TMEM47: variants seen among roughly 807,000 people sequenced by gnomAD.
The protein encoded by TMEM47 is transmembrane protein 47.
Under a neutral mutation model 12.4 loss-of-function variants are expected in TMEM47, and 3 were observed. The ratio of observed to expected loss-of-function variants is 0.24; its 90% CI spans 0.11 to 0.63. TMEM47 has a LOEUF of 0.63. Ranked by LOEUF, TMEM47 falls within the 20% of genes least tolerant of loss-of-function variation. The pLI is 0.86. For missense variants in TMEM47, 89 were observed against 143.8 expected (o/e 0.62, Z 1.95); for synonymous variants, 62 against 63.3 (o/e 0.98, Z 0.10).
chrX:34,653,842 TC>T (rs1922057694), intron 1 of TMEM47, among the ~76,000 whole-genome samples: 1 of 111,395 alleles, frequency 9.0e-6, no homozygotes, highest in South Asian at 3.8e-4. Flanking sequence ...ATTCTAAACT[TC>T]CTAACAAGCA....
At chrX:34,644,852 C>T (rs1034054058) in intron 1 of TMEM47, among the ~76,000 whole-genome samples, 3 of 111,670 alleles carry the variant, frequency 2.7e-5, no homozygotes, top group African/African-American at 9.8e-5. Flanking sequence ...AAATCACACT[C>T]ACATTTGTCA....
intron 2 of TMEM47, among the ~76,000 whole-genome samples, chrX:34,631,593 A>G (rs1601963904): frequency 8.9e-6 from 1 of 112,235 alleles, no homozygotes; most frequent in East Asian, 2.8e-4. Context: ...TGGCTACTGT[A>G]ACAGAGGTCA....
At chrX:34,644,138 A>C (rs1921868121) in intron 1 of TMEM47, among the ~76,000 whole-genome samples, 1 of 111,861 alleles carries the variant, frequency 8.9e-6, no homozygotes, top group African/African-American at 3.3e-5. Context: ...ATAATGTTAT[A>C]TTCCCCTTGC....
chrX:34,635,769 T>A (rs1032625932), intron 2 of TMEM47, among the ~76,000 whole-genome samples: 5 of 111,410 alleles, frequency 4.5e-5, no homozygotes, highest in African/African-American at 6.5e-5. Flanking sequence ...ATTTGGGGAA[T>A]GAGACGTTCC....
intron 2 of TMEM47, among the ~76,000 whole-genome samples, chrX:34,636,350 T>C (rs1921716279): frequency 8.9e-6 from 1 of 111,767 alleles, no homozygotes; most frequent in African/African-American, 3.3e-5. Context: ...TAGGAGGCTT[T>C]CTGCAGATAT....
At chrX:34,633,078 T>C (rs1204548414) in intron 2 of TMEM47, among the ~76,000 whole-genome samples, 1 of 112,058 alleles carries the variant, frequency 8.9e-6, no homozygotes, top group Non-Finnish European at 1.9e-5. Flanking sequence ...ATTTACTCAT[T>C]CAATAAATGC....
chrX:34,632,458 C>A (rs1394534719), intron 2 of TMEM47, among the ~76,000 whole-genome samples: 1 of 111,595 alleles, frequency 9.0e-6, no homozygotes, highest in African/African-American at 3.3e-5. Context: ...TAACAGTCAT[C>A]TTTCTCTCCC....
Position 34,639,350 on chromosome X carries a change from G to C in TMEM47, c.264C>G (p.Gly88=). The change falls in exon 2 of 3, where the codon GGC becomes GGG. Residue 88 remains glycine, a synonymous_variant. Coordinates refer to ENST00000275954, the MANE Select transcript of TMEM47 (RefSeq NM_031442.4). ...QIATLALLLG[G]AAIILIAFLV... ...GGAATGCAATGAGAATGATGGCAGC[G>C]CCGCCCAGGAGTAAAGCCAGAGTAG... The C allele has an allele frequency of 8.3e-7, 1 of 1,208,546 alleles. No homozygotes were observed. The highest frequency in any genetic ancestry group is 1.1e-6 in the Non-Finnish European group (1 of 893,965).
intron 1 of TMEM47, among the ~76,000 whole-genome samples, chrX:34,653,593 C>T (rs72626900): frequency 0.018 from 1,983 of 111,740 alleles, 36 homozygotes; most frequent in African/African-American, 0.056. Flanking sequence ...AGGGCATCAG[C>T]ATTCTGTATA....
At chrX:34,649,553 T>C (rs1335020874) in intron 1 of TMEM47, among the ~76,000 whole-genome samples, 1 of 109,957 alleles carries the variant, frequency 9.1e-6, no homozygotes, top group Non-Finnish European at 1.9e-5. Context: ...TACTTGAGGG[T>C]TGAGGGTGGG....
intron 1 of TMEM47, among the ~76,000 whole-genome samples, chrX:34,649,037 CA>C (rs1921967293): frequency 9.0e-6 from 1 of 111,367 alleles, no homozygotes; most frequent in Admixed American, 9.5e-5. Flanking sequence ...ATTAAAAAGT[CA>C]AAAAATAACA....
chrX:34,649,710 T>TA (rs887676824), intron 1 of TMEM47, among the ~76,000 whole-genome samples: 5 of 108,513 alleles, frequency 4.6e-5, no homozygotes, highest in Admixed American at 9.8e-5. Flanking sequence ...AAATAAAAGT[T>TA]AAAAAAAAAA....
Position 34,657,008 on chromosome X carries a change from T to C in TMEM47, c.22A>G (p.Met8Val). ...AGCACCGACACGCGCACCTCCTCCA[T>C]GCCGCTGCCCGCCGAAGCCATTCCT... MASAGSG[M>V]EEVRVSVLTP... The change falls in exon 1 of 3, where the codon ATG becomes GTG. Residue 8 changes from methionine to valine, a missense_variant. Met to Val is a conservative substitution (Grantham distance 21). Coordinates refer to ENST00000275954, the MANE Select transcript of TMEM47 (RefSeq NM_031442.4). The C allele has an allele frequency of 8.7e-7, 1 of 1,155,663 alleles. No homozygotes were observed. Among genetic ancestry groups the C allele is most frequent in the Non-Finnish European group, 1.2e-6 (1 of 866,010 alleles).
intron 2 of TMEM47, among the ~76,000 whole-genome samples, chrX:34,631,653 G>A (rs1218223311): frequency 9.0e-6 from 1 of 111,544 alleles, no homozygotes; most frequent in Non-Finnish European, 1.9e-5. Context: ...CAGGGCCAAA[G>A]GGGAAATATG....
chrX:34,653,954 A>G (rs915005645), intron 1 of TMEM47, among the ~76,000 whole-genome samples: 4 of 111,257 alleles, frequency 3.6e-5, no homozygotes, highest in African/African-American at 1.3e-4. Context: ...GAGTGCCTCA[A>G]CTGTCCTCCA....
intron 1 of TMEM47, among the ~76,000 whole-genome samples, chrX:34,643,707 C>T (rs947745517): frequency 9.0e-6 from 1 of 111,478 alleles, no homozygotes; most frequent in African/African-American, 3.3e-5. Flanking sequence ...ACCTGCAGAA[C>T]ATCAATGAAC....
chrX:34,644,098 GA>G (rs778506899), intron 1 of TMEM47, among the ~76,000 whole-genome samples: 245 of 108,378 alleles, frequency 2.3e-3, no homozygotes, highest in Middle Eastern at 9.3e-3. Context: ...AAAGTAAAAA[GA>G]AAAAAAAACT....
At chrX:34,644,510 A>G (rs774962766) in intron 1 of TMEM47, among the ~76,000 whole-genome samples, 34 of 112,080 alleles carry the variant, frequency 3.0e-4, no homozygotes, top group Non-Finnish European at 5.1e-4. Context: ...AGCCAAGGGC[A>G]ATGCACAAAA....
intron 2 of TMEM47, among the ~76,000 whole-genome samples, chrX:34,631,585 G>C (rs1921627001): frequency 8.9e-6 from 1 of 112,049 alleles, no homozygotes; most frequent in African/African-American, 3.2e-5. Flanking sequence ...GCCAATTATG[G>C]CTACTGTAAC....
Sources: gnomAD v4.1 joint callset for allele counts (sites outside exome capture counted in the v4.1 genomes callset) on GRCh38, gnomAD v4.1.1 for gene constraint, MANE v1.5 for transcripts, NCBI Gene and HGNC (gene_info 2026-07-23, HGNC 2026-07-21) for gene names.